RABL3: variants seen among roughly 807,000 people sequenced by gnomAD.
RABL3 encodes the protein RAB, member of RAS oncogene family like 3.
Under a neutral mutation model 31.8 loss-of-function variants are expected in RABL3, and 31 were observed. The observed-to-expected ratio is 0.97, with a 90% CI of 0.73 to 1.31. The LOEUF is 1.31. Ranked by LOEUF, RABL3 falls within the 40% of genes most tolerant of loss-of-function variation. The pLI, the probability that RABL3 is intolerant of heterozygous loss-of-function variation, is 0.00. For missense variants in RABL3, 263 were observed against 279.6 expected (o/e 0.94, Z 0.42); for synonymous variants, 97 against 99.9 (o/e 0.97, Z 0.18).
At chr3:120,716,364 C>T (rs1708669674) in intron 2 of RABL3, among the ~76,000 whole-genome samples, 1 of 152,156 alleles carries the variant, frequency 6.6e-6, no homozygotes, top group African/African-American at 2.4e-5. Flanking sequence ...CAGTTATGAA[C>T]ACCTCTGTAC....
At chr3:120,730,949 A>G (rs1246814668) in intron 1 of RABL3, among the ~76,000 whole-genome samples, 162 bp from the exon 2 acceptor site, 1 of 152,260 alleles carries the variant, frequency 6.6e-6, no homozygotes, top group African/African-American at 2.4e-5. Flanking sequence ...AAGATGGTAG[A>G]GGGCAGCGGT....
chr3:120,735,184 T>C (rs978385865), intron 1 of RABL3, among the ~76,000 whole-genome samples: 24 of 151,980 alleles, frequency 1.6e-4, no homozygotes, highest in African/African-American at 5.8e-4. Context: ...TGGACTTTTT[T>C]TGGTTGGTAG....
Position 120,703,202 on chromosome 3 carries a change from C to T in RABL3, c.383+2798G>A, listed in dbSNP as rs552043384. The stretch of plus-strand genomic sequence containing the variant: ...AGACAACAACACCCAGGTCACATAC[C>T]GGGTGTTGCACAAATATAAAATAAG... On this transcript the variant is annotated intron_variant, in intron 4 of 7. Transcript: ENST00000273375. 5.9e-5 allele frequency among the ~76,000 whole-genome samples: 9 copies of T among 152,090 alleles called. No individual in the cohort carries two copies. In the South Asian group the frequency reaches 1.2e-3, roughly 21 times the overall value.
intron 4 of RABL3, among the ~76,000 whole-genome samples, chr3:120,699,173 A>G (rs968910489): frequency 1.3e-5 from 2 of 152,198 alleles, no homozygotes; most frequent in African/African-American, 4.8e-5. Flanking sequence ...AGGTGATACT[A>G]TAGCCTGGGA....
chr3:120,720,734 G>A (rs886103148), intron 2 of RABL3, among the ~76,000 whole-genome samples: 2 of 152,230 alleles, frequency 1.3e-5, no homozygotes, highest in Non-Finnish European at 2.9e-5. Context: ...GTGACAGGGA[G>A]AATGGAACCA....
intron 4 of RABL3, among the ~76,000 whole-genome samples, chr3:120,702,852 G>T (rs558554876): frequency 6.6e-6 from 1 of 152,074 alleles, no homozygotes; most frequent in Non-Finnish European, 1.5e-5. Context: ...CCACCGCGCC[G>T]GGCCCAGAAG....
At chr3:120,706,225 C>T in intron 3 of RABL3, 111 bp from the exon 4 acceptor site, 1 of 654,658 alleles carries the variant, frequency 1.5e-6, no homozygotes. Flanking sequence ...ATGAATCTAG[C>T]ATTCTAGTAT....
chr3:120,704,388 C>T (rs1708525550), intron 4 of RABL3, among the ~76,000 whole-genome samples: 1 of 152,122 alleles, frequency 6.6e-6, no homozygotes, highest in Non-Finnish European at 1.5e-5. Context: ...ATTAACAAAA[C>T]TATCAGCAAA....
chr3:120,692,591 C>A (rs1485359576), intron 6 of RABL3, among the ~76,000 whole-genome samples: 2 of 152,180 alleles, frequency 1.3e-5, no homozygotes, highest in Non-Finnish European at 2.9e-5. Flanking sequence ...CAGGCAACCA[C>A]CTCAGTCTGG....
rs756373462 is a variant in RABL3, at chr3:120,685,001, C to A, written c.*4822G>T. ...TGTAATTATACATTCATTTATTTAACAATTTTTGAAAACCATCACAACATA... is the reference window on the plus strand; with the variant it reads ...TGTAATTATACATTCATTTATTTAAAAATTTTTGAAAACCATCACAACATA... On this transcript the variant is annotated 3_prime_UTR_variant, in exon 8 of 8. Transcript: ENST00000273375. 2.0e-5 allele frequency among the ~76,000 whole-genome samples: 3 copies of A among 152,148 alleles called. No homozygotes were observed. The highest frequency in any genetic ancestry group is 4.4e-5 in the Non-Finnish European group (3 of 68,042).
intron 6 of RABL3, among the ~76,000 whole-genome samples, chr3:120,693,544 T>C (rs990772577): frequency 2.6e-5 from 4 of 152,222 alleles, no homozygotes; most frequent in African/African-American, 9.6e-5. Flanking sequence ...GTCAATACTA[T>C]GTGCAATAAA....
intron 5 of RABL3, among the ~76,000 whole-genome samples, chr3:120,696,650 A>G (rs968497842): frequency 7.2e-5 from 11 of 152,026 alleles, no homozygotes; most frequent in African/African-American, 2.4e-4. Context: ...TATCAGAGAA[A>G]CCCACAGGCA....
intron 2 of RABL3, among the ~76,000 whole-genome samples, chr3:120,720,421 A>C (rs1708724582): frequency 6.6e-6 from 1 of 152,206 alleles, no homozygotes; most frequent in African/African-American, 2.4e-5. Flanking sequence ...CAAGGCAAAG[A>C]AGTTAAAAAC....
chr3:120,689,695 G>A lies in RABL3; in HGVS notation c.*128C>T. ...ACTTCCTTTCATTTTTCCATTAAAG[G>A]GTAAGGCTGAAGGGTAGCATTTTAA... On this transcript the variant is annotated 3_prime_UTR_variant, in exon 8 of 8. Transcript: ENST00000273375. 4.4e-6 allele frequency: 3 copies of A among 683,692 alleles called. No individual in the cohort carries two copies. The highest frequency in any genetic ancestry group is 7.7e-6 in the Non-Finnish European group (3 of 391,282). The allele number at this position is 683,692 out of a possible 1,614,324, so 42.4% of individuals were successfully genotyped here.
At chr3:120,707,292 C>T (rs1284513857) in intron 3 of RABL3, among the ~76,000 whole-genome samples, 1 of 152,010 alleles carries the variant, frequency 6.6e-6, no homozygotes, top group African/African-American at 2.4e-5. Flanking sequence ...CTGACACTTG[C>T]CCTAATATCC....
intron 2 of RABL3, chr3:120,710,326 T>C (rs1207284737): frequency 6.5e-6 from 1 of 153,640 alleles, no homozygotes; most frequent in Non-Finnish European, 1.4e-5. Flanking sequence ...ATGGATTCTT[T>C]CTAAATTTAA....
At chr3:120,725,691 G>T (rs906227661) in intron 2 of RABL3, among the ~76,000 whole-genome samples, 2 of 152,026 alleles carry the variant, frequency 1.3e-5, no homozygotes, top group Admixed American at 6.6e-5. Flanking sequence ...GCAAACTATC[G>T]CAAGGACAAA....
chr3:120,734,671 G>T (rs1436100542), intron 1 of RABL3, among the ~76,000 whole-genome samples: 2 of 152,150 alleles, frequency 1.3e-5, no homozygotes, highest in Non-Finnish European at 2.9e-5. Flanking sequence ...TATCATACTG[G>T]CTGTGGGTTT....
chr3:120,696,353 T>A (rs1426235037), intron 5 of RABL3, among the ~76,000 whole-genome samples: 1 of 152,238 alleles, frequency 6.6e-6, no homozygotes, highest in Non-Finnish European at 1.5e-5. Flanking sequence ...TTCTGATTGC[T>A]ATTTCTTTTT....
Sources: allele counts gnomAD v4.1 joint callset (sites outside exome capture counted in the v4.1 genomes callset), GRCh38; gene constraint gnomAD v4.1.1; transcripts MANE v1.5; gene names NCBI Gene and HGNC (gene_info 2026-07-23, HGNC 2026-07-21).